RPL9: variants seen among roughly 807,000 people sequenced by gnomAD.
The protein encoded by RPL9 is ribosomal protein L9, also known as large ribosomal subunit protein uL6.
For missense variants in RPL9, 149 were observed against 236.7 expected, an observed-to-expected ratio of 0.63 and a Z score of 2.43; for synonymous variants, 82 against 77.1, an observed-to-expected ratio of 1.06 and a Z score of -0.33.
intron 3 of RPL9, chr4:39,457,963 A>G (rs1400097302): frequency 1.5e-6 from 1 of 664,832 alleles, no homozygotes; most frequent in Admixed American, 2.3e-5. Context: ...CCAAACTTCT[A>G]ACACCATTAA....
chr4:39,457,993 C>T (rs1744181900), intron 3 of RPL9: 1 of 704,928 alleles, frequency 1.4e-6, no homozygotes, highest in African/African-American at 1.7e-5. Flanking sequence ...CTGATGACCA[C>T]TATTACATTT....
chr4:39,454,494 TAGAGCAGTAATAAAACTTA>T lies in RPL9; in HGVS notation c.*10+20_*10+38del. 1 of 1,430,174 alleles carries T rather than the reference TAGAGCAGTAATAAAACTTA, an allele frequency of 7.0e-7. No individual in the cohort carries two copies. The highest frequency in any genetic ancestry group is 9.6e-7 in the Non-Finnish European group (1 of 1,037,570). The allele number at this position is 1,430,174 out of a possible 1,614,324, so 88.6% of individuals were successfully genotyped here. The stretch of plus-strand genomic sequence containing the variant: ...TAGTAAATTAAGAGCTTCATTCAAC[TAGAGCAGTAATAAAACTTA>T]AGACACTGTAAGAACTTACCTCTTA... On this transcript the variant is annotated intron_variant, in intron 7 of 7. Coordinates refer to ENST00000295955, the MANE Select transcript of RPL9 (RefSeq NM_000661.5).
intron 4 of RPL9, chr4:39,457,272 CA>C (rs1744129017): frequency 4.5e-6 from 1 of 220,468 alleles, no homozygotes; most frequent in South Asian, 8.3e-5. Context: ...CTCATGCCTG[CA>C]ATCCCAGTAC....
chr4:39,458,425 G>C lies in RPL9; in HGVS notation c.15C>G (p.Leu5=). The C allele has an allele frequency of 6.2e-7, 1 of 1,614,240 alleles. No homozygotes were observed. The highest frequency in any genetic ancestry group is 8.5e-7 in the Non-Finnish European group (1 of 1,180,038). Residue 5 remains leucine, a synonymous_variant, in exon 2 of 8, where the codon CTC becomes CTG. Transcript: ENST00000295955. MKTI[L]SNQTVDIPEN... ...CTGGAATGTCGACAGTCTGATTGCT[G>C]AGAATAGTCTTCATTCTGAAACACA...
At chr4:39,455,338 A>G (rs1291705125) in intron 5 of RPL9, 1 of 159,924 alleles carries the variant, frequency 6.3e-6, no homozygotes, top group Non-Finnish European at 1.4e-5. Context: ...AGCTAGTATC[A>G]GAGTATTTCT....
chr4:39,457,873 C>T, intron 3 of RPL9, 192 bp from the exon 4 acceptor site: 1 of 630,942 alleles, frequency 1.6e-6, no homozygotes. Flanking sequence ...AACTTCCCTT[C>T]TGGAAAATTA....
At chr4:39,455,821 T>C (rs1186692933) in intron 5 of RPL9, 3 of 167,942 alleles carry the variant, frequency 1.8e-5, no homozygotes, top group East Asian at 3.5e-4. Flanking sequence ...GTGTTTACTA[T>C]GTATTACGCA....
chr4:39,457,954 CA>C (rs1160118859), intron 3 of RPL9: 6 of 646,216 alleles, frequency 9.3e-6, no homozygotes, highest in Non-Finnish European at 1.4e-5. Context: ...GAAAATAAAC[CA>C]AACTTCTAAC....
intron 4 of RPL9, 45 bp downstream of exon 4, chr4:39,457,541 G>A (rs1479145387): frequency 1.3e-6 from 2 of 1,487,526 alleles, no homozygotes; most frequent in Non-Finnish European, 1.9e-6. Flanking sequence ...ACAGGTTTGA[G>A]AAACCTCCCT....
intron 5 of RPL9, chr4:39,455,822 G>A (rs1017214033): frequency 3.8e-4 from 65 of 172,836 alleles, no homozygotes; most frequent in Non-Finnish European, 4.6e-4. Context: ...TGTTTACTAT[G>A]TATTACGCAT....
intron 5 of RPL9, 112 bp from the exon 6 acceptor site, chr4:39,455,056 T>G: frequency 8.7e-7 from 1 of 1,150,208 alleles, no homozygotes; most frequent in African/African-American, 1.6e-5. Flanking sequence ...GAACCTTTTC[T>G]TAAGATTTTG....
rs376896159 is a variant in RPL9 at position 39,458,298 on chromosome 4, G to C, written c.58C>G (p.Leu20Val). 20 of 1,614,034 alleles carry C rather than the reference G, an allele frequency of 1.2e-5. No individual in the cohort carries two copies. The highest frequency in any genetic ancestry group is 1.6e-5 in the Non-Finnish European group (19 of 1,180,026). The change falls in exon 3 of 8, where the codon CTG becomes GTG. Residue 20 changes from leucine (L) to valine (V), a missense_variant. Physicochemically the swap from Leu to Val is conservative, Grantham distance 32. Coordinates refer to ENST00000295955, the MANE Select transcript of RPL9 (RefSeq NM_000661.5). The part of the protein sequence containing the change: ...VDIPENVDIT[L>V]KGRTVIVKGP... The stretch of plus-strand genomic sequence containing the variant: ...TTCACGATAACTGTGCGTCCCTTCA[G>C]AGTAATGTCGACTAGAAGAGAGAAC...
chr4:39,454,696 T>C (rs1175276408), intron 6 of RPL9, 47 bp from the exon 7 acceptor site: 1 of 1,536,072 alleles, frequency 6.5e-7, no homozygotes, highest in Non-Finnish European at 8.9e-7. Flanking sequence ...CTAACCCATC[T>C]TAAAAAGAAA....
In RPL9 at chr4:39,456,541, A is replaced by T; in HGVS notation, c.259-3T>A. On this transcript the variant is annotated splice_region_variant and splice_polypyrimidine_tract_variant and intron_variant, in intron 4 of 7. Coordinates refer to ENST00000295955, the MANE Select transcript of RPL9 (RefSeq NM_000661.5). ...GACCTCATCTTGTAACGGAAGCCCTATGTTAAATAAATAAGCAAGCTATTA... is the reference window on the plus strand; with the variant it reads ...GACCTCATCTTGTAACGGAAGCCCTTTGTTAAATAAATAAGCAAGCTATTA... The T allele has an allele frequency of 6.2e-7, 1 of 1,613,038 alleles. No homozygotes were observed. The highest frequency in any genetic ancestry group is 1.1e-5 in the South Asian group (1 of 90,858).
chr4:39,456,574 T>C, intron 4 of RPL9, 36 bp from the exon 5 acceptor site: 1 of 1,600,950 alleles, frequency 6.2e-7, no homozygotes, highest in Non-Finnish European at 8.5e-7. Context: ...TTAGCAATGC[T>C]GAGGAATATT....
At chr4:39,457,461 G>C in intron 4 of RPL9, 125 bp downstream of exon 4, 1 of 814,748 alleles carries the variant, frequency 1.2e-6, no homozygotes, top group Non-Finnish European at 2.0e-6. Flanking sequence ...TTTTTGCCAA[G>C]TTCTTGCGTA....
chr4:39,456,963 G>A (rs565426322), intron 4 of RPL9: 163 of 171,732 alleles, frequency 9.5e-4, no homozygotes, highest in African/African-American at 3.6e-3. Flanking sequence ...AGATGTACAG[G>A]GTGCCATTAT....
At chr4:39,457,803 T>C (rs1046546022) in intron 3 of RPL9, 122 bp from the exon 4 acceptor site, 13 of 865,486 alleles carry the variant, frequency 1.5e-5, no homozygotes, top group Non-Finnish European at 2.2e-5. Flanking sequence ...GGTTTTCAAC[T>C]GGAAAAATCC....
intron 3 of RPL9, 162 bp from the exon 4 acceptor site, chr4:39,457,843 G>A (rs1744173214): frequency 1.5e-6 from 1 of 665,594 alleles, no homozygotes; most frequent in Non-Finnish European, 2.6e-6. Context: ...CAACAGTTAA[G>A]CTTTGTAGAA....
Sources: gnomAD v4.1 joint callset for allele counts on GRCh38, gnomAD v4.1.1 for gene constraint, MANE v1.5 for transcripts, NCBI Gene and HGNC (gene_info 2026-07-23, HGNC 2026-07-21) for gene names.